The following ARAP3 variants were observed in gnomAD, a reference collection of about 807,000 sequenced individuals.
ARAP3 encodes arf-GAP with Rho-GAP domain, ANK repeat and PH domain-containing protein 3.
A neutral mutation model predicts 169.2 loss-of-function variants in ARAP3; 82 were observed. The observed-to-expected ratio is 0.48, with a 90% CI of 0.41 to 0.58. The LOEUF is 0.58. Among genes scored for constraint, ARAP3 ranks in the 20% least tolerant of loss-of-function variants. The pLI, the probability that ARAP3 is intolerant of heterozygous loss-of-function variation, is 0.00. For synonymous variants in ARAP3, 791 were observed against 800.3 expected, an observed-to-expected ratio of 0.99 and a Z score of 0.20; for missense variants, 1,764 against 2,018.0, an observed-to-expected ratio of 0.87 and a Z score of 2.41.
At chr5:141,667,648 A>C (rs922699218) in intron 16 of ARAP3, among the ~76,000 whole-genome samples, 1 of 148,486 alleles carries the variant, frequency 6.7e-6, no homozygotes, top group Non-Finnish European at 1.5e-5. Flanking sequence ...GGCTGGTCTC[A>C]AACTCCTGAC....
At position 141,670,405 on chromosome 5, in the gene ARAP3, T is replaced by C; in HGVS notation, c.2107+107A>G. 5 of 1,225,968 alleles carry C rather than the reference T, an allele frequency of 4.1e-6. No homozygotes were observed. In the South Asian group the frequency reaches 5.3e-5, roughly 13 times the overall value. The allele number at this position is 1,225,968 out of a possible 1,614,324, so 75.9% of individuals were successfully genotyped here. Reference sequence around the variant, plus strand: ...CAGGACCCCAGCCCATTCCCAGGCATGGCCCCACTTTCCCATCCCAGCCCT... The same window carrying C: ...CAGGACCCCAGCCCATTCCCAGGCACGGCCCCACTTTCCCATCCCAGCCCT... On this transcript the variant is annotated intron_variant, in intron 14 of 32. Transcript: ENST00000239440.
At chr5:141,661,067 C>CT (rs562593165) in intron 21 of ARAP3, among the ~76,000 whole-genome samples, 2,281 of 132,616 alleles carry the variant, frequency 0.017, 36 homozygotes, top group African/African-American at 0.044. Context: ...TTTCTTTTTT[C>CT]TTTTTTTTTT....
rs373033994 is a variant in ARAP3 at position 141,679,813 on chromosome 5, G to T, written c.534C>A (p.Asp178Glu). The change falls in exon 3 of 33, where the codon GAC becomes GAA. Residue 178 changes from aspartate (D) to glutamate (E), a missense_variant. Asp to Glu is a conservative substitution (Grantham distance 45, BLOSUM62 2). Transcript: ENST00000239440. ...GGGTGGGGGCAGAGATTTGGGAGCT[G>T]TCTGGGGCCCTGAAGGGAAAGGTCT... ...RAQAAQDKAP[D>E]SSQISAPTPA... 1.2e-6 allele frequency: 2 copies of T among 1,612,524 alleles called. No individual in the cohort carries two copies. Among genetic ancestry groups the T allele is most frequent in the Middle Eastern group, 1.7e-4 (1 of 6,058 alleles).
chr5:141,656,419 G>A lies in ARAP3; in HGVS notation c.3789+85C>T, dbSNP rs1562402774. On this transcript the variant is annotated intron_variant, in intron 27 of 32. Coordinates refer to ENST00000239440, the MANE Select transcript of ARAP3 (RefSeq NM_022481.6). The stretch of plus-strand genomic sequence containing the variant: ...GAAGCAATGAGATTGATGAGAGTAT[G>A]GGCTGTGGAGTCAGAGGGTGGGTGC... 6.3e-6 allele frequency: 10 copies of A among 1,581,126 alleles called. No individual in the cohort carries two copies. The Admixed American group carries it at 1.1e-4, about 17-fold the overall frequency.
chr5:141,670,530 G>T lies in ARAP3; in HGVS notation c.2089C>A (p.Pro697Thr). Reference protein sequence around the residue: ...PVSNKAGPSPPRRGRDAPPRL... With the variant: ...PVSNKAGPSPTRRGRDAPPRL... ...CCCTCACCATCCCGGCCCCTGCGAG[G>T]GGGTGAGGGTCCAGCTTTGTTGCTG... The change falls in exon 14 of 33, where the codon CCT becomes ACT. Residue 697 changes from proline (P) to threonine (T), a missense_variant. Pro to Thr is a conservative substitution (Grantham distance 38). Around this residue, in one of 3 missense-constraint regions of ARAP3, gnomAD observed 1,112 missense variants for 1,285.7 expected, o/e 0.86. Coordinates refer to ENST00000239440, the MANE Select transcript of ARAP3 (RefSeq NM_022481.6). 6.2e-7 allele frequency: 1 copy of T among 1,613,996 alleles called. No homozygotes were observed. Among genetic ancestry groups the T allele is most frequent in the East Asian group, 2.2e-5 (1 of 44,870 alleles).
Position 141,679,555 on chromosome 5 carries a change from C to A in ARAP3, c.688G>T (p.Ala230Ser). The change falls in exon 4 of 33, where the codon GCT becomes TCT. Residue 230 changes from alanine (A) to serine (S), a missense_variant. Physicochemically the swap from Ala to Ser is moderately conservative, Grantham distance 99. Around this residue, in one of 3 missense-constraint regions of ARAP3, gnomAD observed 630 missense variants for 678.7 expected, o/e 0.93. Coordinates refer to ENST00000239440, the MANE Select transcript of ARAP3 (RefSeq NM_022481.6). Reference sequence around the variant, plus strand: ...CTATTTAGTACTCACCTGTGTTCAGCCCTGCCCTGACAAACACCTCTGCTC... The same window carrying A: ...CTATTTAGTACTCACCTGTGTTCAGACCTGCCCTGACAAACACCTCTGCTC... ...RESRGVCQGRAEHRLSRQDLE... is the reference protein window; with the variant it reads ...RESRGVCQGRSEHRLSRQDLE... 6.2e-7 allele frequency: 1 copy of A among 1,614,132 alleles called. No individual in the cohort carries two copies. Among genetic ancestry groups the A allele is most frequent in the Non-Finnish European group, 8.5e-7 (1 of 1,179,994 alleles).
chr5:141,678,194 G>A (rs538774943), intron 4 of ARAP3, among the ~76,000 whole-genome samples: 2 of 152,144 alleles, frequency 1.3e-5, no homozygotes, highest in Admixed American at 6.5e-5. Context: ...CAGGTGGTCC[G>A]CCAACCTTGG....
At chr5:141,654,567 C>A in intron 32 of ARAP3, 132 bp from the exon 33 acceptor site, 1 of 1,308,860 alleles carries the variant, frequency 7.6e-7, no homozygotes. Flanking sequence ...CTGGAACAAC[C>A]CTGTGCAGTG....
chr5:141,679,807 G>A lies in ARAP3; in HGVS notation c.540C>T (p.Ser180=). The change falls in exon 3 of 33, where the codon TCC becomes TCT. Residue 180 remains serine (S), a synonymous_variant. Coordinates refer to ENST00000239440, the MANE Select transcript of ARAP3 (RefSeq NM_022481.6). ...GGGCAGGGGTGGGGGCAGAGATTTG[G>A]GAGCTGTCTGGGGCCCTGAAGGGAA... is the stretch of plus-strand genomic sequence containing the variant. ...QAAQDKAPDS[S]QISAPTPALR... is the part of the protein sequence containing the mutation. 6.2e-7 allele frequency: 1 copy of A among 1,613,006 alleles called. No homozygotes were observed. Among genetic ancestry groups the A allele is most frequent in the Non-Finnish European group, 8.5e-7 (1 of 1,179,676 alleles).
In ARAP3 at chr5:141,680,319, T is replaced by C; in HGVS notation, c.168A>G (p.Lys56=). ...CTGTCTGTAGCAGGCGTAGAATGCG[T>C]TTCCGGTGCCCTGTGGCGCTGATGC... is the stretch of plus-strand genomic sequence containing the variant. ...QLGISATGHR[K]RILRLLQTGT... The change falls in exon 2 of 33, where the codon AAA becomes AAG. Residue 56 remains lysine (K), a synonymous_variant. Transcript: ENST00000239440. 1.2e-6 allele frequency: 2 copies of C among 1,614,234 alleles called. No homozygotes were observed. The highest frequency in any genetic ancestry group is 1.1e-5 in the South Asian group (1 of 91,090).
Position 141,661,797 on chromosome 5 carries a change from T to G in ARAP3, c.3014-8A>C. On this transcript the variant is annotated splice_polypyrimidine_tract_variant and splice_region_variant and intron_variant, in intron 20 of 32. Coordinates refer to ENST00000239440, the MANE Select transcript of ARAP3 (RefSeq NM_022481.6). The stretch of plus-strand genomic sequence containing the variant: ...GATTCTTCTGGGGCAGCTCTGGGGA[T>G]GGAATGGAGGAGGGTTGGGGAGGAC... 1 of 1,613,836 alleles carries G rather than the reference T, an allele frequency of 6.2e-7. No homozygotes were observed. The highest frequency in any genetic ancestry group is 8.5e-7 in the Non-Finnish European group (1 of 1,179,898).
intron 17 of ARAP3, 79 bp from the exon 18 acceptor site, chr5:141,665,453 C>T: frequency 6.9e-7 from 1 of 1,457,352 alleles, no homozygotes; most frequent in Non-Finnish European, 9.6e-7. Context: ...GCTTAACGTG[C>T]ATAGATGCCA....
Position 141,670,680 on chromosome 5 carries a change from T to C in ARAP3, c.1991-52A>G, listed in dbSNP as rs755630860. 3 of 1,493,254 alleles carry C rather than the reference T, an allele frequency of 2.0e-6. No homozygotes were observed. The Admixed American group carries it at 5.1e-5, about 25-fold the overall frequency. 92.5% of individuals were successfully genotyped at this position (1,493,254 alleles called of 1,614,324 possible). On this transcript the variant is annotated intron_variant, in intron 13 of 32. Coordinates refer to ENST00000239440, the MANE Select transcript of ARAP3 (RefSeq NM_022481.6). ...GTCAACCAAGTGCAACGGGATAACC[T>C]GACCCCCTCTGGGGAAGGGATGAAA...
chr5:141,671,684 T>A lies in ARAP3; in HGVS notation c.1740A>T (p.Gly580=). ...FWAGTLPPGE[G]LHPDATPGPR... ...GGCCAGGGGTCGCATCTGGATGTAG[T>A]CCCTCACCTGGGGGTAGGGTCCCTG... Residue 580 remains glycine, a synonymous_variant, in exon 12 of 33, where the codon GGA becomes GGT. Transcript: ENST00000239440. This position sits in a 1 kb window ranked among gnomAD's most constrained non-coding sequence, Gnocchi z 4.9. The A allele has an allele frequency of 6.2e-7, 1 of 1,613,300 alleles. No homozygotes were observed. The highest frequency in any genetic ancestry group is 8.5e-7 in the Non-Finnish European group (1 of 1,179,618).
chr5:141,668,502 C>A (rs1321800498), intron 16 of ARAP3, among the ~76,000 whole-genome samples: 3 of 152,182 alleles, frequency 2.0e-5, no homozygotes, highest in Non-Finnish European at 4.4e-5. Context: ...TGTCATGGAC[C>A]ATAACACATA....
chr5:141,660,493 C>CA (rs549366104), intron 21 of ARAP3, among the ~76,000 whole-genome samples: 235 of 90,998 alleles, frequency 2.6e-3, no homozygotes, highest in East Asian at 4.8e-3. Context: ...GACTCCGTCT[C>CA]AAAAAAAAAA....
In ARAP3 at chr5:141,665,195, C is replaced by T. The variant is rs1040244761; in HGVS notation, c.2637-110G>A. The stretch of plus-strand genomic sequence containing the variant: ...GGCAGCAACACCCAACCCAAATCAT[C>T]CTGGAGCAAGGGAAGAAACTTTGAG... On this transcript the variant is annotated intron_variant, in intron 18 of 32. Transcript: ENST00000239440. 82 of 1,565,422 alleles carry T rather than the reference C, an allele frequency of 5.2e-5. No homozygotes were observed. In the Admixed American group the frequency reaches 1.4e-3, roughly 27 times the overall value.
intron 17 of ARAP3, 124 bp downstream of exon 17, chr5:141,666,300 G>A: frequency 1.1e-6 from 1 of 938,746 alleles, no homozygotes; most frequent in South Asian, 2.7e-5. Context: ...TTTCCCTTCA[G>A]AGCTTGTACC....
At chr5:141,662,005 C>A in intron 20 of ARAP3, 38 bp downstream of exon 20, 1 of 1,611,576 alleles carries the variant, frequency 6.2e-7, no homozygotes, top group Non-Finnish European at 8.5e-7. Flanking sequence ...AGGCAGAGAT[C>A]CTGGTTGGGC....
Sources: allele counts gnomAD v4.1 joint callset (sites outside exome capture counted in the v4.1 genomes callset), GRCh38; gene constraint gnomAD v4.1.1; regional missense constraint gnomAD v4.1.1; non-coding constraint Gnocchi (gnomAD v3.1); transcripts MANE v1.5; gene names NCBI Gene and HGNC (gene_info 2026-07-23, HGNC 2026-07-21).